Variants in EIF3J observed in about 807,000 individuals in gnomAD.
The protein encoded by EIF3J is eukaryotic translation initiation factor 3, subunit 1 (alpha, 35kD).
In EIF3J, 15 loss-of-function variants were observed where a neutral mutation model predicts 39.0. The observed-to-expected ratio is 0.38, with a 90% CI of 0.26 to 0.59. EIF3J has a LOEUF of 0.59. Among genes scored for constraint, EIF3J ranks in the 20% least tolerant of loss-of-function variants. EIF3J has a pLI of 0.60. For synonymous variants in EIF3J, 98 were observed against 112.9 expected (o/e 0.87, Z 0.84); for missense variants, 226 against 308.6 (o/e 0.73, Z 2.00).
chr15:44,543,959 C>A (rs1333442606), intron 2 of EIF3J, among the ~76,000 whole-genome samples: 2 of 152,012 alleles, frequency 1.3e-5, no homozygotes, highest in African/African-American at 4.8e-5. Flanking sequence ...AATAAAAATG[C>A]TCCTGTGTTG....
intron 5 of EIF3J, 143 bp downstream of exon 5, chr15:44,554,810 T>G (rs578225507): frequency 5.2e-5 from 26 of 498,974 alleles, no homozygotes; most frequent in East Asian, 3.3e-4. Context: ...CTGTGTATAT[T>G]TGAGATTTCA....
intron 4 of EIF3J, among the ~76,000 whole-genome samples, chr15:44,552,533 C>G (rs1389783085): frequency 6.6e-6 from 1 of 152,046 alleles, no homozygotes; most frequent in Non-Finnish European, 1.5e-5. Flanking sequence ...GCATGAGCCA[C>G]CACGTCCAGC....
chr15:44,553,321 T>G (rs1319488930), intron 4 of EIF3J, among the ~76,000 whole-genome samples: 1 of 151,576 alleles, frequency 6.6e-6, no homozygotes, highest in Non-Finnish European at 1.5e-5. Flanking sequence ...TGAAACCCCG[T>G]CTCTACTAAA....
chr15:44,560,985 A>G (rs770419618), intron 7 of EIF3J, 33 bp from the exon 8 acceptor site: 13 of 1,609,334 alleles, frequency 8.1e-6, no homozygotes, highest in Non-Finnish European at 1.0e-5. Flanking sequence ...ATAGCACACT[A>G]AGGTTCATGA....
chr15:44,537,697 G>C (rs1018088205), intron 2 of EIF3J, among the ~76,000 whole-genome samples: 8 of 152,342 alleles, frequency 5.3e-5, no homozygotes, highest in South Asian at 2.1e-4. Context: ...AGCATCGGCC[G>C]GGTCGGCCCA....
At chr15:44,560,100 G>GT in intron 6 of EIF3J, 149 bp from the exon 7 acceptor site, 1 of 652,470 alleles carries the variant, frequency 1.5e-6, no homozygotes, top group Non-Finnish European at 2.5e-6. Context: ...AGTTACTGAA[G>GT]TTTAACAATG....
intron 5 of EIF3J, among the ~76,000 whole-genome samples, chr15:44,556,126 A>G (rs970910980): frequency 2.6e-5 from 4 of 152,196 alleles, no homozygotes; most frequent in Middle Eastern, 3.4e-3. Context: ...TTGGCCTCCT[A>G]AAGTGCTGGG....
At chr15:44,540,828 A>G (rs1454017564) in intron 2 of EIF3J, among the ~76,000 whole-genome samples, 1 of 152,228 alleles carries the variant, frequency 6.6e-6, no homozygotes, top group Non-Finnish European at 1.5e-5. Flanking sequence ...TCTTCTGTTC[A>G]TGTCAGCATC....
rs2140907093 is a variant in EIF3J, at chr15:44,562,669, T to C, written c.*1520T>C. 1 of 158,234 alleles carries C rather than the reference T, an allele frequency of 6.3e-6. No individual in the cohort carries two copies. The allele number at this position is 158,234 out of a possible 1,614,324, so 9.8% of individuals were successfully genotyped here. A position where few individuals can be genotyped will look rare whatever the true frequency, so the allele number is the denominator to read the frequency against. ...CTTTAAGGCAGACAAGGGCTAAGAT[T>C]TCCTTAGCAGTAATAATGACATACA... On this transcript the variant is annotated 3_prime_UTR_variant, in exon 8 of 8. Transcript: ENST00000261868.
At chr15:44,537,715 G>C (rs1429365235) in intron 2 of EIF3J, among the ~76,000 whole-genome samples, 1 of 152,230 alleles carries the variant, frequency 6.6e-6, no homozygotes. Flanking sequence ...CCACGTGCAA[G>C]CTTCGCGGTC....
chr15:44,544,829 C>G lies in EIF3J; in HGVS notation c.148-6047C>G, dbSNP rs765306709. 3.3e-5 allele frequency among the ~76,000 whole-genome samples: 5 copies of G among 151,588 alleles called. No homozygotes were observed. In the South Asian group the frequency reaches 1.0e-3, roughly 32 times the overall value. ...GATTATCCTGGCCAACATGGTGAAA[C>G]CCGGTCTCTACTAAAAACACAAAAA... On this transcript the variant is annotated intron_variant, in intron 2 of 7. Transcript: ENST00000261868.
At chr15:44,547,505 A>C (rs922188421) in intron 2 of EIF3J, among the ~76,000 whole-genome samples, 1 of 136,466 alleles carries the variant, frequency 7.3e-6, no homozygotes, top group African/African-American at 2.8e-5. Context: ...GCTGGAGTGC[A>C]GTGGCACAAT....
intron 4 of EIF3J, among the ~76,000 whole-genome samples, chr15:44,552,011 T>C (rs968688140): frequency 6.6e-6 from 1 of 151,944 alleles, no homozygotes; most frequent in East Asian, 1.9e-4. Context: ...TTAGTAGAGA[T>C]AGGGTTTCAC....
intron 2 of EIF3J, among the ~76,000 whole-genome samples, chr15:44,545,784 A>C (rs2082048152): frequency 6.6e-6 from 1 of 152,198 alleles, no homozygotes; most frequent in Non-Finnish European, 1.5e-5. Flanking sequence ...AGAACACCAG[A>C]ACTTATTCTT....
chr15:44,546,487 C>T (rs530447302), intron 2 of EIF3J, among the ~76,000 whole-genome samples: 5 of 152,222 alleles, frequency 3.3e-5, no homozygotes, highest in Non-Finnish European at 5.9e-5. Flanking sequence ...TGTGATCTGT[C>T]GTGTTATGAA....
chr15:44,542,631 G>A (rs1219370292), intron 2 of EIF3J, among the ~76,000 whole-genome samples: 1 of 152,138 alleles, frequency 6.6e-6, no homozygotes, highest in Non-Finnish European at 1.5e-5. Context: ...AAGATATAAA[G>A]TTTTCTGCTT....
intron 7 of EIF3J, 66 bp downstream of exon 7, chr15:44,560,388 C>A: frequency 7.0e-7 from 1 of 1,435,606 alleles, no homozygotes; most frequent in Non-Finnish European, 9.6e-7. Flanking sequence ...TAACAGTCAA[C>A]AAATATAATA....
intron 2 of EIF3J, among the ~76,000 whole-genome samples, chr15:44,548,313 G>A (rs1242483983): frequency 1.3e-5 from 2 of 152,186 alleles, no homozygotes; most frequent in African/African-American, 2.4e-5. Context: ...TACTCCAGAG[G>A]CTGAGGCTGG....
At chr15:44,554,699 T>A in intron 5 of EIF3J, 32 bp downstream of exon 5, 1 of 1,435,128 alleles carries the variant, frequency 7.0e-7, no homozygotes, top group Non-Finnish European at 9.7e-7. Flanking sequence ...AATACAGTAT[T>A]AAACTGTTAC....
Sources: allele counts gnomAD v4.1 joint callset (sites outside exome capture counted in the v4.1 genomes callset), GRCh38; gene constraint gnomAD v4.1.1; transcripts MANE v1.5; gene names NCBI Gene and HGNC (gene_info 2026-07-23, HGNC 2026-07-21).